The following SLC16A3 variants were observed in gnomAD, a reference collection of about 807,000 sequenced individuals.
The protein encoded by SLC16A3 is monocarboxylate transporter 4.
Under a neutral mutation model 25.0 loss-of-function variants are expected in SLC16A3, and 22 were observed. That is an observed-to-expected ratio of 0.88 (90% CI 0.63 to 1.26). The LOEUF (loss-of-function observed/expected upper bound fraction) is 1.26. Among genes scored for constraint, SLC16A3 ranks in the 50% most tolerant of loss-of-function variants. The probability of loss-of-function intolerance (pLI) is 0.00; values close to 1 mark genes in which losing one functional copy is unlikely to be tolerated. For missense variants in SLC16A3, 731 were observed against 666.6 expected (o/e 1.10, Z -1.06); for synonymous variants, 390 against 309.2 (o/e 1.26, Z -2.74).
rs1568544423 is a variant in SLC16A3, at chr17:82,239,657, G to A, written c.*681G>A. On this transcript the variant is annotated 3_prime_UTR_variant, in exon 5 of 5. Coordinates refer to ENST00000582743, the MANE Select transcript of SLC16A3 (RefSeq NM_004207.4). ...GAGGGGGCTGCGGGGCAGGTGCCTGGAGGCCGCTGTGCCAGGGTGGCCTCT... is the reference window on the plus strand; with the variant it reads ...GAGGGGGCTGCGGGGCAGGTGCCTGAAGGCCGCTGTGCCAGGGTGGCCTCT... The A allele has an allele frequency of 3.3e-6, 1 of 302,224 alleles. No individual in the cohort carries two copies. Among genetic ancestry groups the A allele is most frequent in the Non-Finnish European group, 6.1e-6 (1 of 164,862 alleles). 18.7% of individuals were successfully genotyped at this position (302,224 alleles called of 1,614,324 possible).
At position 82,238,887 on chromosome 17, in the gene SLC16A3, G is replaced by C. The variant is rs1374960081; in HGVS notation, c.1309G>C (p.Gly437Arg). 4.4e-6 allele frequency: 7 copies of C among 1,606,626 alleles called. No homozygotes were observed. The Admixed American group carries it at 8.4e-5, about 19-fold the overall frequency. Residue 437 changes from glycine to arginine, a missense_variant, in exon 5 of 5, where the codon GGG becomes CGG. Physicochemically the swap from Gly to Arg is moderately radical, Grantham distance 125. Coordinates refer to ENST00000582743, the MANE Select transcript of SLC16A3 (RefSeq NM_004207.4). Reference sequence around the variant, plus strand: ...GCTCCACAAGCCTCCTGCAGACTCGGGGGTGGACTTGCGGGAGGTGGAGCA... The same window carrying C: ...GCTCCACAAGCCTCCTGCAGACTCGCGGGTGGACTTGCGGGAGGTGGAGCA... ...EKLHKPPADS[G>R]VDLREVEHFL...
At chr17:82,234,219 T>C (rs1365943390) in intron 1 of SLC16A3, 1 of 152,284 alleles carries the variant, frequency 6.6e-6, no homozygotes, top group Non-Finnish European at 1.5e-5. Flanking sequence ...AATACCAGTA[T>C]GAGCGGGACC....
chr17:82,238,558 A>T (rs1366251245), intron 4 of SLC16A3, 144 bp from the exon 5 acceptor site: 11 of 739,556 alleles, frequency 1.5e-5, no homozygotes, highest in Non-Finnish European at 2.2e-5. Flanking sequence ...CATGGAGGGG[A>T]GAGAACACCT....
At chr17:82,229,571 G>A (rs1185312406) in intron 1 of SLC16A3, 1 of 152,408 alleles carries the variant, frequency 6.6e-6, no homozygotes, top group Admixed American at 6.5e-5. Flanking sequence ...GCTTTCCCCT[G>A]TTCGCAACAC....
chr17:82,234,123 A>AGCCACCG (rs2050555746), intron 1 of SLC16A3: 2 of 152,228 alleles, frequency 1.3e-5, no homozygotes, highest in African/African-American at 4.8e-5. Flanking sequence ...TACAGGCGTG[A>AGCCACCG]GCCACCGCGC....
chr17:82,217,980 G>A (rs2050365653), exon 1 of SLC16A3, among the ~76,000 whole-genome samples: 1 of 152,246 alleles, frequency 6.6e-6, no homozygotes, highest in Non-Finnish European at 1.5e-5. Flanking sequence ...CAGCCTGGCT[G>A]CTGTCCTCAT....
At position 82,237,307 on chromosome 17, in the gene SLC16A3, C is replaced by T. The variant is rs765599502; in HGVS notation, c.537C>T (p.Gly179=). Residue 179 remains glycine (G), a synonymous_variant, in exon 4 of 5, where the codon GGC becomes GGT. Transcript: ENST00000582743. Reference sequence around the variant, plus strand: ...AGGACCGCTACGGCTGGCGGGGCGGCTTCCTCATCCTGGGCGGCCTGCTGC... The same window carrying T: ...AGGACCGCTACGGCTGGCGGGGCGGTTTCCTCATCCTGGGCGGCCTGCTGC... ...LLQDRYGWRG[G]FLILGGLLLN... 3 of 1,550,416 alleles carry T rather than the reference C, an allele frequency of 1.9e-6. No individual in the cohort carries two copies. Among genetic ancestry groups the T allele is most frequent in the Non-Finnish European group, 2.6e-6 (3 of 1,147,286 alleles).
chr17:82,225,397 T>A (rs1285130088), upstream of SLC16A3, among the ~76,000 whole-genome samples: 2 of 152,210 alleles, frequency 1.3e-5, no homozygotes, highest in Non-Finnish European at 2.9e-5. Context: ...CAGCCTCCCC[T>A]GGCACCGTCC....
chr17:82,238,663 C>T (rs752115676), intron 4 of SLC16A3, 39 bp from the exon 5 acceptor site: 2 of 1,574,790 alleles, frequency 1.3e-6, no homozygotes, highest in African/African-American at 1.3e-5. Flanking sequence ...CTGGGGGCAG[C>T]CCGCATGAGC....
At position 82,237,804 on chromosome 17, in the gene SLC16A3, C is replaced by T. The variant is rs2050648658; in HGVS notation, c.1034C>T (p.Ala345Val). 1 of 1,610,458 alleles carries T rather than the reference C, an allele frequency of 6.2e-7. No individual in the cohort carries two copies. Among genetic ancestry groups the T allele is most frequent in the Non-Finnish European group, 8.5e-7 (1 of 1,179,934 alleles). ...GCCCTGCAGTTCGAGGTGCTCATGG[C>T]CATCGTGGGCACCCACAAGTTCTCC... Reference protein sequence around the residue: ...VGALQFEVLMAIVGTHKFSSA... With the variant: ...VGALQFEVLMVIVGTHKFSSA... Residue 345 changes from alanine to valine, a missense_variant, in exon 4 of 5, where the codon GCC becomes GTC. Ala to Val is a moderately conservative substitution (Grantham distance 64). Transcript: ENST00000582743.
intron 1 of SLC16A3, chr17:82,232,362 GAGGGGTCTGCAGGTCCAGA>G (rs1296786097): frequency 1.3e-5 from 2 of 152,506 alleles, no homozygotes; most frequent in African/African-American, 4.8e-5. Flanking sequence ...CTAGGCGGGT[GAGGGGTCTGCAGGTCCAGA>G]CGCCTGAGGG....
intron 1 of SLC16A3, among the ~76,000 whole-genome samples, chr17:82,221,232 T>C (rs1389091548): frequency 1.3e-5 from 2 of 152,106 alleles, no homozygotes; most frequent in Admixed American, 6.5e-5. Context: ...ACAGACCATA[T>C]ATCTGTTAAG....
upstream of SLC16A3, among the ~76,000 whole-genome samples, chr17:82,227,267 T>C (rs571112739): frequency 6.6e-6 from 1 of 151,930 alleles, no homozygotes; most frequent in East Asian, 1.9e-4. Context: ...GGCAGTGAGG[T>C]CCCAGGCTCT....
At chr17:82,218,901 G>A (rs555699097) in intron 1 of SLC16A3, among the ~76,000 whole-genome samples, 8 of 152,276 alleles carry the variant, frequency 5.3e-5, no homozygotes, top group African/African-American at 1.4e-4. Flanking sequence ...CTGAGCCGCC[G>A]GGGGCACCGC....
At chr17:82,233,549 C>T (rs7503429) in intron 1 of SLC16A3, 1 of 152,042 alleles carries the variant, frequency 6.6e-6, no homozygotes, top group African/African-American at 2.4e-5. Flanking sequence ...GGCTTCAAAC[C>T]CTGGGTCTGC....
upstream of SLC16A3, among the ~76,000 whole-genome samples, chr17:82,225,123 G>A (rs575495238): frequency 8.5e-5 from 13 of 152,284 alleles, no homozygotes; most frequent in South Asian, 4.1e-4. Flanking sequence ...TTAGCTGGGC[G>A]TAGTGGCAGG....
At chr17:82,231,385 C>T (rs1026709235) in intron 1 of SLC16A3, 3 of 152,168 alleles carry the variant, frequency 2.0e-5, no homozygotes, top group Admixed American at 2.0e-4. Context: ...TCCTCCCGGT[C>T]TTCACCTTCC....
At chr17:82,229,597 A>G (rs2050461665) in intron 1 of SLC16A3, 1 of 152,122 alleles carries the variant, frequency 6.6e-6, no homozygotes, top group African/African-American at 2.4e-5. Context: ...ACACTCCCCG[A>G]CCCACACCCG....
intron 1 of SLC16A3, chr17:82,230,889 C>T (rs1164067651): frequency 2.6e-5 from 4 of 152,318 alleles, no homozygotes; most frequent in Non-Finnish European, 4.4e-5. Flanking sequence ...CCGCCGGGCT[C>T]CTGCTCCGAG....
Sources: gnomAD v4.1 joint callset for allele counts (sites outside exome capture counted in the v4.1 genomes callset) on GRCh38, gnomAD v4.1.1 for gene constraint, MANE v1.5 for transcripts, NCBI Gene and HGNC (gene_info 2026-07-23, HGNC 2026-07-21) for gene names.